The following CDH23 variants were observed in gnomAD, a reference collection of about 807,000 sequenced individuals.
CDH23 encodes the protein cadherin-23.
CDH23 carries 189 observed loss-of-function variants against 317.1 expected under a neutral mutation model. That is an observed-to-expected ratio of 0.60 (90% CI 0.53 to 0.67). The LOEUF (loss-of-function observed/expected upper bound fraction) is 0.67. CDH23 is among the 30% of genes least tolerant of loss of function. The probability of loss-of-function intolerance (pLI) is 0.00; values close to 1 mark genes in which losing one functional copy is unlikely to be tolerated. For missense variants in CDH23, 4,401 were observed against 4,592.4 expected, an observed-to-expected ratio of 0.96 and a Z score of 1.20; for synonymous variants, 1,839 against 1,876.8, an observed-to-expected ratio of 0.98 and a Z score of 0.52.
At chr10:71,482,990 A>C (rs1310302763) in intron 3 of CDH23, among the ~76,000 whole-genome samples, 1 of 152,244 alleles carries the variant, frequency 6.6e-6, no homozygotes, top group South Asian at 2.1e-4. Flanking sequence ...CTTGGTACAA[A>C]GGACATTGAG....
Position 71,694,196 on chromosome 10 carries a change from CA to C in CDH23, c.2227del (p.Ile743SerfsTer22). ...LLDRETKSEY[I>X]LIVRAVDGGV... ...TTGACCGAGAGACCAAGTCTGAATACATCCTCATCGTTCGCGCAGTGGACGG... is the reference window on the plus strand; with the variant it reads ...TTGACCGAGAGACCAAGTCTGAATACTCCTCATCGTTCGCGCAGTGGACGG... On this transcript the variant is annotated frameshift_variant, in exon 21 of 70. Coordinates refer to ENST00000224721, the MANE Select transcript of CDH23 (RefSeq NM_022124.6). LOFTEE classifies it high-confidence loss of function. 1 of 1,613,744 alleles carries C rather than the reference CA, an allele frequency of 6.2e-7. No individual in the cohort carries two copies. Among genetic ancestry groups the C allele is most frequent in the Non-Finnish European group, 8.5e-7 (1 of 1,179,852 alleles).
Position 71,708,443 on chromosome 10 carries a change from G to A in CDH23, c.3107-655G>A, listed in dbSNP as rs150649751. Among the ~76,000 whole-genome samples the A allele has an allele frequency of 1.9e-4, 29 of 152,326 alleles. No homozygotes were observed. The East Asian group carries it at 5.2e-3, about 27-fold the overall frequency. On this transcript the variant is annotated intron_variant, in intron 26 of 69. Transcript: ENST00000224721. ...CAGCTGGCAGGGGAGGGGTCTCCAC[G>A]CTGTTCTGGGAGTTCCTTCCTGACT...
chr10:71,702,332 A>T, intron 23 of CDH23, 121 bp downstream of exon 23: 2 of 1,198,072 alleles, frequency 1.7e-6, no homozygotes, highest in Non-Finnish European at 2.4e-6. Flanking sequence ...CCAAGAGTAG[A>T]GTAATACCCA....
chr10:71,679,350 G>T (rs1864512760), intron 16 of CDH23, 37 bp from the exon 17 acceptor site: 10 of 1,469,370 alleles, frequency 6.8e-6, no homozygotes, highest in Non-Finnish European at 9.5e-6. Flanking sequence ...CCAGTCTCCT[G>T]CAGGCTCACG....
At chr10:71,561,826 G>A (rs1857146217) in intron 6 of CDH23, among the ~76,000 whole-genome samples, 1 of 152,208 alleles carries the variant, frequency 6.6e-6, no homozygotes, top group South Asian at 2.1e-4. Flanking sequence ...CCATAAGGGA[G>A]TAGGTGGGAC....
rs369379727 is a variant in CDH23 at position 71,803,397 on chromosome 10, G to C, written c.7849G>C (p.Gly2617Arg). The C allele has an allele frequency of 2.6e-5, 41 of 1,596,580 alleles. No homozygotes were observed. In the Middle Eastern group the frequency reaches 8.3e-4, roughly 32 times the overall value. The change falls in exon 55 of 70, where the codon GGC (glycine) becomes CGC (arginine). Residue 2617 changes from glycine (G) to arginine (R), a missense_variant. Physicochemically the swap from Gly to Arg is moderately radical, Grantham distance 125. Around this residue, in one of 3 missense-constraint regions of CDH23, gnomAD observed 1,144 missense variants for 1,138.2 expected, o/e 1.01. Transcript: ENST00000224721. ...CCCTGTCTTTGTGCGCCCACCCAAC[G>C]GCACCATCCTCCACATCAGAGAGGT... ...NRPVFVRPPNGTILHIREEIP... is the reference protein window; with the variant it reads ...NRPVFVRPPNRTILHIREEIP...
intron 1 of CDH23, among the ~76,000 whole-genome samples, chr10:71,427,132 G>A (rs1849110415): frequency 6.9e-6 from 1 of 145,144 alleles, no homozygotes; most frequent in Non-Finnish European, 1.5e-5. Context: ...TCCAGCCTGG[G>A]CAACAGAGTG....
intron 11 of CDH23, among the ~76,000 whole-genome samples, chr10:71,628,691 T>G (rs1861865562): frequency 6.6e-6 from 1 of 152,100 alleles, no homozygotes; most frequent in African/African-American, 2.4e-5. Flanking sequence ...AGCGATGAGG[T>G]TTCACCATGT....
Position 71,751,711 on chromosome 10 carries a change from G to T in CDH23, c.4845+9790G>T, listed in dbSNP as rs760000245. On this transcript the variant is annotated intron_variant, in intron 38 of 69. Coordinates refer to ENST00000224721, the MANE Select transcript of CDH23 (RefSeq NM_022124.6). This position sits in a 1 kb window ranked among gnomAD's most constrained non-coding sequence, Gnocchi z 4.9. Reference sequence around the variant, plus strand: ...CGTCTCCGGGGCCTGGAGGAGACAGGGGGGTGCTGGGCTCCGAAAGCAGAT... The same window carrying T: ...CGTCTCCGGGGCCTGGAGGAGACAGTGGGGTGCTGGGCTCCGAAAGCAGAT... 3 of 1,571,016 alleles carry T rather than the reference G, an allele frequency of 1.9e-6. No homozygotes were observed. Among genetic ancestry groups the T allele is most frequent in the East Asian group, 2.3e-5 (1 of 44,418 alleles).
At chr10:71,628,794 G>A (rs897483249) in intron 11 of CDH23, among the ~76,000 whole-genome samples, 53 of 152,148 alleles carry the variant, frequency 3.5e-4, no homozygotes, top group African/African-American at 1.2e-3. Context: ...CACCACATCC[G>A]GCCTGAGATA....
Position 71,793,321 on chromosome 10 carries a change from C to G in CDH23, c.6393C>G (p.Thr2131=). 6.2e-7 allele frequency: 1 copy of G among 1,613,970 alleles called. No individual in the cohort carries two copies. ...GGGTCATCCGTGTTGGTAATGCCAC[C>G]ATCGACAGAGAGGAGCAGGAGTCCT... is the stretch of plus-strand genomic sequence containing the variant. ...VTGVIRVGNA[T]IDREEQESYR... is the part of the protein sequence containing the mutation. Residue 2131 remains threonine (T), a synonymous_variant, in exon 48 of 70, where the codon ACC becomes ACG. Coordinates refer to ENST00000224721, the MANE Select transcript of CDH23 (RefSeq NM_022124.6).
chr10:71,590,873 T>TAAAAAA (rs71018215), intron 9 of CDH23, among the ~76,000 whole-genome samples: 3 of 72,234 alleles, frequency 4.2e-5, no homozygotes, highest in African/African-American at 6.9e-5. Flanking sequence ...ACCCTGTCTC[T>TAAAAAA]AAAAAAAAAA....
chr10:71,578,903 G>A (rs1001839811), intron 9 of CDH23, among the ~76,000 whole-genome samples: 3 of 152,202 alleles, frequency 2.0e-5, no homozygotes, highest in African/African-American at 7.2e-5. Flanking sequence ...CATTGTTGGA[G>A]TAGCATCCTG....
intron 53 of CDH23, among the ~76,000 whole-genome samples, chr10:71,801,996 GA>G (rs1841570817): frequency 6.6e-6 from 1 of 152,192 alleles, no homozygotes; most frequent in Non-Finnish European, 1.5e-5. Flanking sequence ...TCTGTGCACT[GA>G]AAGGGGATCT....
Position 71,533,525 on chromosome 10 carries a change from C to CCACACACACACACACACA in CDH23, c.429+22341_429+22358dup, listed in dbSNP as rs55659529. Among the ~76,000 whole-genome samples the CCACACACACACACACACA allele has an allele frequency of 6.4e-4, 84 of 130,824 alleles. No homozygotes were observed. The East Asian group carries it at 6.5e-3, about 10-fold the overall frequency. 85.8% of individuals were successfully genotyped at this position (130,824 alleles called of 152,430 possible). On this transcript the variant is annotated intron_variant, in intron 6 of 69. Coordinates refer to ENST00000224721, the MANE Select transcript of CDH23 (RefSeq NM_022124.6). ...ATTGTGACCCTAGGCTGGCTGGACACCACACACACACACACACACACACAC... is the reference window on the plus strand; with the variant it reads ...ATTGTGACCCTAGGCTGGCTGGACACCACACACACACACACACACACACACACACACACACACACACAC...
At chr10:71,753,086 G>A (rs1292051425) in intron 38 of CDH23, 1 of 1,526,654 alleles carries the variant, frequency 6.6e-7, no homozygotes, top group Non-Finnish European at 8.9e-7. Context: ...CAGATGCCCT[G>A]CAGGGAACAG....
At chr10:71,713,640 CAGA>C (rs1365709513) in intron 28 of CDH23, 10 of 284,280 alleles carry the variant, frequency 3.5e-5, no homozygotes, top group South Asian at 3.9e-5. Flanking sequence ...TGGCTAGCTC[CAGA>C]AGGAGGAAGT....
At chr10:71,801,080 T>C (rs1204937194) in intron 53 of CDH23, among the ~76,000 whole-genome samples, 1 of 151,538 alleles carries the variant, frequency 6.6e-6, no homozygotes, top group Admixed American at 6.6e-5. Context: ...TAGTGTCCCA[T>C]TGAAAGAAAC....
At chr10:71,783,967 T>C (rs183962388) in intron 41 of CDH23, among the ~76,000 whole-genome samples, 1 of 152,156 alleles carries the variant, frequency 6.6e-6, no homozygotes, top group Non-Finnish European at 1.5e-5. Flanking sequence ...GCCCCCACTT[T>C]TTCAACATAG....
Sources: allele counts gnomAD v4.1 joint callset (sites outside exome capture counted in the v4.1 genomes callset), GRCh38; gene constraint gnomAD v4.1.1; regional missense constraint gnomAD v4.1.1; non-coding constraint Gnocchi (gnomAD v3.1); transcripts MANE v1.5; gene names NCBI Gene and HGNC (gene_info 2026-07-23, HGNC 2026-07-21).